CIT: variants seen among roughly 807,000 people sequenced by gnomAD.
CIT encodes the protein citron Rho-interacting kinase.
Under a neutral mutation model 272.7 loss-of-function variants are expected in CIT, and 79 were observed. The ratio of observed to expected loss-of-function variants is 0.29; its 90% CI spans 0.24 to 0.35. CIT has a LOEUF of 0.35. Among genes scored for constraint, CIT ranks in the 10% least tolerant of loss-of-function variants. The pLI, the probability that CIT is intolerant of heterozygous loss-of-function variation, is 1.00. For synonymous variants in CIT, 948 were observed against 995.6 expected, an observed-to-expected ratio of 0.95 and a Z score of 0.90; for missense variants, 1,909 against 2,618.3, an observed-to-expected ratio of 0.73 and a Z score of 5.91.
At position 119,854,280 on chromosome 12, in the gene CIT, G is replaced by C. The variant is rs190562199; in HGVS notation, c.414+3243C>G. Among the ~76,000 whole-genome samples, 69 of 151,520 alleles carry C rather than the reference G, an allele frequency of 4.6e-4. 1 individual carries two copies. Among genetic ancestry groups the C allele is most frequent in the African/African-American group, 1.4e-3 (58 of 41,416 alleles). ...CGACCTCAAGTGATCCGCCCTGCTT[G>C]GCCTCCAAAGTGCTGGGATTACAGG... On this transcript the variant is annotated intron_variant, in intron 4 of 47. Transcript: ENST00000392521.
chr12:119,783,758 G>T, intron 12 of CIT, 150 bp downstream of exon 12: 1 of 993,506 alleles, frequency 1.0e-6, no homozygotes, highest in Non-Finnish European at 1.4e-6. Context: ...TCACTACTCT[G>T]CAAAACACAG....
intron 32 of CIT, 54 bp from the exon 33 acceptor site, chr12:119,714,388 G>A: frequency 1.3e-6 from 2 of 1,589,696 alleles, no homozygotes; most frequent in Non-Finnish European, 8.6e-7. Context: ...ATCCCATCAG[G>A]AAAGTGAAAA....
chr12:119,791,882 C>T (rs937544833), intron 10 of CIT, among the ~76,000 whole-genome samples: 7 of 152,300 alleles, frequency 4.6e-5, no homozygotes, highest in African/African-American at 1.4e-4. Context: ...GTCATTACCG[C>T]TGTAACAGGA....
intron 28 of CIT, among the ~76,000 whole-genome samples, chr12:119,723,047 C>A (rs1430491983): frequency 6.8e-6 from 1 of 147,886 alleles, no homozygotes; most frequent in African/African-American, 2.5e-5. Flanking sequence ...AGAGCAAGAC[C>A]CTGTCTCTAA....
intron 28 of CIT, among the ~76,000 whole-genome samples, chr12:119,727,738 G>T (rs1402249727): frequency 6.6e-6 from 1 of 152,018 alleles, no homozygotes; most frequent in African/African-American, 2.4e-5. Flanking sequence ...CAGCCAGCCT[G>T]AGCAACATGG....
At chr12:119,695,937 T>A (rs1956202498) in intron 46 of CIT, among the ~76,000 whole-genome samples, 1 of 152,232 alleles carries the variant, frequency 6.6e-6, no homozygotes. Flanking sequence ...TAATGACAAT[T>A]TGTAAAAGCT....
intron 41 of CIT, 125 bp from the exon 42 acceptor site, chr12:119,702,083 C>T (rs751358224): frequency 1.4e-6 from 1 of 699,424 alleles, no homozygotes; most frequent in African/African-American, 1.8e-5. Flanking sequence ...CAAGCTTGTT[C>T]ACGTTGTCAT....
intron 4 of CIT, among the ~76,000 whole-genome samples, chr12:119,856,658 A>G (rs557506954): frequency 9.2e-5 from 14 of 152,060 alleles, no homozygotes; most frequent in African/African-American, 3.1e-4. Context: ...ATTTCCCCCC[A>G]TCGGTGAGAA....
chr12:119,738,752 A>C (rs2137289507), intron 24 of CIT, among the ~76,000 whole-genome samples: 1 of 152,102 alleles, frequency 6.6e-6, no homozygotes, highest in Middle Eastern at 3.4e-3. Context: ...GCATGGTGGC[A>C]CATGCCTATA....
At chr12:119,763,126 G>A (rs1343545615) in intron 19 of CIT, among the ~76,000 whole-genome samples, 1 of 152,124 alleles carries the variant, frequency 6.6e-6, no homozygotes, top group Admixed American at 6.6e-5. Context: ...AGATAAACAA[G>A]ATATATGGGG....
chr12:119,759,207 C>T (rs905067369), intron 20 of CIT, among the ~76,000 whole-genome samples: 17 of 152,234 alleles, frequency 1.1e-4, no homozygotes, highest in Non-Finnish European at 1.9e-4. Flanking sequence ...CCAGGCCGCA[C>T]AGCAGGAGGT....
In CIT at chr12:119,698,025, G is replaced by A. The variant is rs1036824380; in HGVS notation, c.5653C>T (p.His1885Tyr). ...TCAATTACTTCGAGTGAGTTGAAGTGGGTCACAAACAGATAGGGTTCTCTG... is the reference window on the plus strand; with the variant it reads ...TCAATTACTTCGAGTGAGTTGAAGTAGGTCACAAACAGATAGGGTTCTCTG... The part of the protein sequence containing the change: ...AYREPYLFVT[H>Y]FNSLEVIEIQ... Residue 1885 changes from histidine (H) to tyrosine (Y), a missense_variant, in exon 45 of 48, where the codon CAC becomes TAC. By Grantham distance (83) the His-to-Tyr change is moderately conservative (BLOSUM62 2). Around this residue, in one of 8 missense-constraint regions of CIT, gnomAD observed 780 missense variants for 1,067.2 expected, o/e 0.73. Coordinates refer to ENST00000392521, the MANE Select transcript of CIT (RefSeq NM_001206999.2). 6.2e-7 allele frequency: 1 copy of A among 1,614,180 alleles called. No homozygotes were observed. Among genetic ancestry groups the A allele is most frequent in the Admixed American group, 1.7e-5 (1 of 60,028 alleles).
At chr12:119,688,982 G>A (rs566383601) in intron 47 of CIT, among the ~76,000 whole-genome samples, 8 of 127,762 alleles carry the variant, frequency 6.3e-5, no homozygotes, top group African/African-American at 2.0e-4. Context: ...GCAACATAGC[G>A]ACATTATGTC....
At chr12:119,798,890 A>G (rs995069858) in intron 10 of CIT, among the ~76,000 whole-genome samples, 18 of 152,214 alleles carry the variant, frequency 1.2e-4, no homozygotes, top group African/African-American at 4.1e-4. Context: ...AATTTGTACC[A>G]TGATATTCTG....
chr12:119,708,848 G>A (rs1377561039), intron 39 of CIT, among the ~76,000 whole-genome samples: 1 of 152,124 alleles, frequency 6.6e-6, no homozygotes, highest in Non-Finnish European at 1.5e-5. Flanking sequence ...ATTCTGAGGA[G>A]GGTGGAATTC....
At chr12:119,824,032 C>T (rs1967949538) in intron 8 of CIT, among the ~76,000 whole-genome samples, 2 of 72,010 alleles carry the variant, frequency 2.8e-5, no homozygotes, top group African/African-American at 1.2e-4. Flanking sequence ...GAGCAAGACT[C>T]CATCTCAAAA....
chr12:119,718,718 G>A lies in CIT; in HGVS notation c.3984C>T (p.Leu1328=), dbSNP rs1308372119. The A allele has an allele frequency of 6.2e-7, 1 of 1,613,470 alleles. No individual in the cohort carries two copies. Among genetic ancestry groups the A allele is most frequent in the East Asian group, 2.2e-5 (1 of 44,896 alleles). ...EEALQKTRIE[L]RSAREEAAHR... ...CCCTACCTTCCTCCCGGGCGGACCG[G>A]AGCTCGATGCGGGTCTTCTGAAGGG... The change falls in exon 31 of 48, where the codon CTC becomes CTT. Residue 1328 remains leucine, a synonymous_variant. Transcript: ENST00000392521. This position sits in a 1 kb window ranked among gnomAD's most constrained non-coding sequence, Gnocchi z 4.8.
chr12:119,780,981 C>A (rs535618558), intron 13 of CIT, among the ~76,000 whole-genome samples: 1 of 152,314 alleles, frequency 6.6e-6, no homozygotes, highest in African/African-American at 2.4e-5. Context: ...AATTCCGTTT[C>A]TAAGGAATCT....
intron 10 of CIT, among the ~76,000 whole-genome samples, chr12:119,794,222 G>C (rs575199841): frequency 3.3e-5 from 5 of 152,252 alleles, no homozygotes; most frequent in African/African-American, 4.8e-5. Flanking sequence ...GACCTTACCT[G>C]TCTTGCTCAG....
Sources: gnomAD v4.1 joint callset for allele counts (sites outside exome capture counted in the v4.1 genomes callset) on GRCh38, gnomAD v4.1.1 for gene constraint, gnomAD v4.1.1 regional missense constraint, Gnocchi (gnomAD v3.1) non-coding constraint, MANE v1.5 for transcripts, NCBI Gene and HGNC (gene_info 2026-07-23, HGNC 2026-07-21) for gene names.